The following DLC1 variants were observed in gnomAD, a reference collection of about 807,000 sequenced individuals.
DLC1 encodes DLC1 Rho GTPase activating protein.
In DLC1, 54 loss-of-function variants were observed where a neutral mutation model predicts 140.3. That is an observed-to-expected ratio of 0.38 (90% CI 0.31 to 0.48). The LOEUF (loss-of-function observed/expected upper bound fraction) is 0.48, where lower values mean the gene tolerates loss of function less well. Ranked by LOEUF, DLC1 falls within the 20% of genes least tolerant of loss-of-function variation. DLC1 has a pLI of 0.96. For synonymous variants in DLC1, 986 were observed against 728.1 expected (o/e 1.35, Z -5.70); for missense variants, 2,536 against 1,907.0 (o/e 1.33, Z -6.14).
intron 1 of DLC1, among the ~76,000 whole-genome samples, chr8:13,600,923 C>G (rs529547105): frequency 1.3e-5 from 2 of 151,838 alleles, no homozygotes; most frequent in Non-Finnish European, 3.0e-5. Flanking sequence ...ATGTAGTATT[C>G]ATTTTACCAA....
chr8:13,213,322 C>A (rs982422858), intron 5 of DLC1, among the ~76,000 whole-genome samples: 1 of 152,092 alleles, frequency 6.6e-6, no homozygotes, highest in Non-Finnish European at 1.5e-5. Flanking sequence ...CTATTGTCAC[C>A]TATAATACAC....
chr8:13,582,535 A>G (rs1805143425), intron 1 of DLC1, among the ~76,000 whole-genome samples: 2 of 151,926 alleles, frequency 1.3e-5, no homozygotes, highest in Admixed American at 6.6e-5. Context: ...CAGCCTATAT[A>G]TTTCTCCCAT....
chr8:13,461,966 C>T (rs559738032), intron 2 of DLC1, among the ~76,000 whole-genome samples: 1 of 152,206 alleles, frequency 6.6e-6, no homozygotes, highest in Non-Finnish European at 1.5e-5. Context: ...TCTTGCTCCT[C>T]TCACCTCAGC....
intron 2 of DLC1, among the ~76,000 whole-genome samples, chr8:13,419,058 T>C (rs999047935): frequency 1.2e-4 from 19 of 152,008 alleles, no homozygotes; most frequent in African/African-American, 4.6e-4. Flanking sequence ...TTTTGTACAT[T>C]GATTTTGTAT....
intron 4 of DLC1, among the ~76,000 whole-genome samples, chr8:13,391,724 G>A (rs921319704): frequency 1.3e-5 from 2 of 152,128 alleles, no homozygotes; most frequent in African/African-American, 4.8e-5. Flanking sequence ...TCATTGTTAT[G>A]AATTATGAGA....
In DLC1 at chr8:13,193,030, C is replaced by T. The variant is rs993162047; in HGVS notation, c.1349-77373G>A. On this transcript the variant is annotated intron_variant, in intron 5 of 17. Transcript: ENST00000276297. The stretch of plus-strand genomic sequence containing the variant: ...CCTCTGCCTAAGGACTTTATTCTTT[C>T]ATGTCTGTTCCCTTGTCCCAAACCA... Among the ~76,000 whole-genome samples the T allele has an allele frequency of 1.1e-4, 16 of 152,184 alleles. 1 individual carries two copies. The highest frequency in any genetic ancestry group is 7.3e-5 in the Non-Finnish European group (5 of 68,038).
At chr8:13,384,132 A>T (rs746034111) in intron 4 of DLC1, among the ~76,000 whole-genome samples, 1 of 152,226 alleles carries the variant, frequency 6.6e-6, no homozygotes, top group Non-Finnish European at 1.5e-5. Context: ...TTATTATACA[A>T]CAACAGATAA....
chr8:13,314,652 T>G (rs1370010586), intron 4 of DLC1, among the ~76,000 whole-genome samples: 1 of 152,182 alleles, frequency 6.6e-6, no homozygotes, highest in East Asian at 1.9e-4. Context: ...TTTCATAACA[T>G]CCAACTTAAA....
intron 5 of DLC1, among the ~76,000 whole-genome samples, chr8:13,129,272 G>A (rs1432240471): frequency 2.6e-5 from 4 of 152,172 alleles, no homozygotes; most frequent in Non-Finnish European, 4.4e-5. Flanking sequence ...ATATGCAAAG[G>A]CCACAGAGTC....
At chr8:13,304,690 T>G in intron 5 of DLC1, 1 of 957,110 alleles carries the variant, frequency 1.0e-6, no homozygotes, top group Non-Finnish European at 1.2e-6. Context: ...TAAAAACACA[T>G]AGATCTACCA....
intron 4 of DLC1, among the ~76,000 whole-genome samples, chr8:13,322,847 T>G (rs1011933727): frequency 7.5e-4 from 12 of 16,080 alleles, no homozygotes; most frequent in African/African-American, 1.0e-3. Context: ...CTAGTTCCCT[T>G]CTTTAATAGA....
chr8:13,572,720 G>A (rs888120566), intron 1 of DLC1, among the ~76,000 whole-genome samples: 3 of 152,136 alleles, frequency 2.0e-5, no homozygotes, highest in African/African-American at 4.8e-5. Context: ...TTTCCCATAT[G>A]ATTGTTGAAG....
chr8:13,547,770 C>A (rs1482960499), intron 1 of DLC1, among the ~76,000 whole-genome samples: 1 of 152,056 alleles, frequency 6.6e-6, no homozygotes, highest in Admixed American at 6.6e-5. Context: ...TCCCTGCCTA[C>A]TCTTTCTAAT....
intron 7 of DLC1, among the ~76,000 whole-genome samples, chr8:13,106,797 T>C (rs1819602502): frequency 6.6e-6 from 1 of 152,264 alleles, no homozygotes; most frequent in Non-Finnish European, 1.5e-5. Flanking sequence ...CAACTGTCAC[T>C]TGATGTACAT....
intron 5 of DLC1, among the ~76,000 whole-genome samples, chr8:13,167,578 GT>G (rs779622792): frequency 3.3e-5 from 5 of 152,152 alleles, no homozygotes; most frequent in Non-Finnish European, 7.4e-5. Flanking sequence ...TGAAATCAGA[GT>G]ACAGATCCCG....
chr8:13,382,105 T>A (rs289513), intron 4 of DLC1, among the ~76,000 whole-genome samples: 78,491 of 151,950 alleles, frequency 0.52, 20,829 homozygotes, highest in East Asian at 0.81. Flanking sequence ...TATTGTTGTG[T>A]GTGGTAATGT....
chr8:13,115,257 T>A (rs1005325517), intron 6 of DLC1, among the ~76,000 whole-genome samples: 1 of 152,180 alleles, frequency 6.6e-6, no homozygotes, highest in Non-Finnish European at 1.5e-5. Flanking sequence ...ACTACCCTTT[T>A]TATAAACGTA....
rs79708732 is a variant in DLC1, at chr8:13,541,424, C to G, written c.-125-41228G>C. Among the ~76,000 whole-genome samples the G allele has an allele frequency of 3.8e-3, 577 of 152,306 alleles. 5 individuals are homozygous for G. Among genetic ancestry groups the G allele is most frequent in the African/African-American group, 0.013 (549 of 41,552 alleles). ...ATTTTTCATACCCAGCAACAACAAT[C>G]TCTGAGAGATCCACTTGCTCTACAT... On this transcript the variant is annotated intron_variant, in intron 1 of 1. Transcript: ENST00000631382.
At chr8:13,537,117 CAG>C (rs1276262815) in intron 1 of DLC1, among the ~76,000 whole-genome samples, 2 of 138,986 alleles carry the variant, frequency 1.4e-5, no homozygotes, top group African/African-American at 4.9e-5. Flanking sequence ...AAAACCATAA[CAG>C]TACATTAAAA....
Sources: allele counts gnomAD v4.1 joint callset (sites outside exome capture counted in the v4.1 genomes callset), GRCh38; gene constraint gnomAD v4.1.1; transcripts MANE v1.5; gene names NCBI Gene and HGNC (gene_info 2026-07-23, HGNC 2026-07-21).